Variants in MNS1 observed in about 807,000 individuals in gnomAD.
MNS1 encodes meiosis-specific nuclear structural protein 1.
A neutral mutation model predicts 72.0 loss-of-function variants in MNS1; 63 were observed. The observed-to-expected ratio is 0.87, with a 90% CI of 0.71 to 1.08. The LOEUF (loss-of-function observed/expected upper bound fraction) is 1.08, where lower values mean the gene tolerates loss of function less well. Among genes scored for constraint, MNS1 ranks in the 50% least tolerant of loss-of-function variants. The pLI, the probability that MNS1 is intolerant of heterozygous loss-of-function variation, is 0.00. For synonymous variants in MNS1, 188 were observed against 172.1 expected, an observed-to-expected ratio of 1.09 and a Z score of -0.72; for missense variants, 604 against 562.4, an observed-to-expected ratio of 1.07 and a Z score of -0.75.
chr15:56,434,941 T>C (rs1008385748), intron 7 of MNS1, among the ~76,000 whole-genome samples: 1 of 152,124 alleles, frequency 6.6e-6, no homozygotes, highest in South Asian at 2.1e-4. Flanking sequence ...TCAAATATAG[T>C]TGGAACAGTT....
Position 56,444,529 on chromosome 15 carries a change from T to C in MNS1, c.601A>G (p.Lys201Glu), listed in dbSNP as rs1190986551. The change falls in exon 5 of 10, where the codon AAA (lysine) becomes GAA (glutamate). Residue 201 changes from lysine (K) to glutamate (E), a missense_variant. Coordinates refer to ENST00000260453, the MANE Select transcript of MNS1 (RefSeq NM_018365.4). ...LEKQLEEQEK[K>E]KQEAYEQLLK... ...AGCTGCTCATAAGCTTCCTGCTTTT[T>C]TTTTTCTTGTTCTTCAAGTTGTTTC... The C allele has an allele frequency of 6.2e-7, 1 of 1,612,638 alleles. No individual in the cohort carries two copies. Among genetic ancestry groups the C allele is most frequent in the Non-Finnish European group, 8.5e-7 (1 of 1,179,506 alleles).
At chr15:56,460,059 A>G (rs1468354520) in intron 2 of MNS1, among the ~76,000 whole-genome samples, 1 of 132,668 alleles carries the variant, frequency 7.5e-6, no homozygotes, top group African/African-American at 2.9e-5. Context: ...ATTCAAATGC[A>G]AAGCTTGAGG....
rs769002984 is a variant in MNS1 at position 56,464,211 on chromosome 15, G to T, written c.40C>A (p.His14Asn). 1.9e-6 allele frequency: 3 copies of T among 1,613,472 alleles called. No individual in the cohort carries two copies. The highest frequency in any genetic ancestry group is 1.7e-4 in the Middle Eastern group (1 of 6,052). Residue 14 changes from histidine to asparagine, a missense_variant, in exon 2 of 10, where the codon CAT (histidine) becomes AAT (asparagine). Transcript: ENST00000260453. Reference sequence around the variant, plus strand: ...TAGTTTTCATCTACTAATTTCTGATGCCTTTCACTACAGCTCAAATTTCTC... The same window carrying T: ...TAGTTTTCATCTACTAATTTCTGATTCCTTTCACTACAGCTCAAATTTCTC... ...KRRNLSCSER[H>N]QKLVDENYCK...
intron 9 of MNS1, chr15:56,429,899 T>C (rs1346504163): frequency 6.6e-6 from 1 of 152,172 alleles, no homozygotes; most frequent in East Asian, 1.9e-4. Context: ...TACAAAAATA[T>C]CAAATCCCAA....
chr15:56,464,966 T>C lies in MNS1; in HGVS notation c.3+4A>G. 6.2e-7 allele frequency: 1 copy of C among 1,611,300 alleles called. No individual in the cohort carries two copies. The highest frequency in any genetic ancestry group is 8.5e-7 in the Non-Finnish European group (1 of 1,179,012). On this transcript the variant is annotated splice_donor_region_variant and intron_variant, in intron 1 of 9. Coordinates refer to ENST00000260453, the MANE Select transcript of MNS1 (RefSeq NM_018365.4). ...AGTAGTTTCAAGTCCCCCAACTGGC[T>C]CACCATCTTGGCTGACGAAAAATAC...
intron 7 of MNS1, among the ~76,000 whole-genome samples, chr15:56,439,522 T>C (rs556728728): frequency 3.9e-5 from 6 of 152,132 alleles, no homozygotes; most frequent in African/African-American, 1.2e-4. Flanking sequence ...GATGGATACA[T>C]AGACCAACAG....
At chr15:56,463,949 C>A in intron 2 of MNS1, 77 bp downstream of exon 2, 3 of 1,170,584 alleles carry the variant, frequency 2.6e-6, no homozygotes, top group Non-Finnish European at 3.7e-6. Context: ...CTACTCATTT[C>A]CAGCATTAAC....
In MNS1 at chr15:56,429,178, C is replaced by T; in HGVS notation, c.1411G>A (p.Glu471Lys). The T allele has an allele frequency of 6.3e-7, 1 of 1,592,686 alleles. No individual in the cohort carries two copies. The highest frequency in any genetic ancestry group is 8.5e-7 in the Non-Finnish European group (1 of 1,170,972). The change falls in exon 10 of 10, where the codon GAG becomes AAG. Residue 471 changes from glutamate to lysine, a missense_variant. Coordinates refer to ENST00000260453, the MANE Select transcript of MNS1 (RefSeq NM_018365.4). Reference protein sequence around the residue: ...GYLPKGVFKKEDDIDLLGEEF... With the variant: ...GYLPKGVFKKKDDIDLLGEEF... ...TCACCAAGCAGATCAATATCATCCT[C>T]TTTTTTAAATACTCCCTACGAGAAA...
intron 7 of MNS1, among the ~76,000 whole-genome samples, chr15:56,437,038 G>C (rs28831190): frequency 1.6e-3 from 236 of 152,218 alleles, no homozygotes; most frequent in African/African-American, 5.6e-3. Flanking sequence ...GGAGGAGCTG[G>C]TATCATTCCT....
chr15:56,434,007 TTATATA>T, intron 8 of MNS1, 125 bp downstream of exon 8: 2 of 985,386 alleles, frequency 2.0e-6, no homozygotes, highest in Non-Finnish European at 2.8e-6. Flanking sequence ...GTCAGAAAAT[TTATATA>T]TATATTAGTA....
chr15:56,437,953 A>C (rs1167758241), intron 7 of MNS1, among the ~76,000 whole-genome samples: 7 of 152,220 alleles, frequency 4.6e-5, no homozygotes, highest in Non-Finnish European at 1.0e-4. Context: ...CCACTGCTCA[A>C]CGAAATAAAA....
At chr15:56,462,535 A>AT (rs1180430385) in intron 2 of MNS1, among the ~76,000 whole-genome samples, 4 of 152,242 alleles carry the variant, frequency 2.6e-5, no homozygotes, top group Admixed American at 2.6e-4. Context: ...TTAAAGGAAC[A>AT]TGAGGAAGCA....
intron 2 of MNS1, among the ~76,000 whole-genome samples, chr15:56,462,557 T>G (rs145400573): frequency 2.3e-4 from 35 of 152,322 alleles, no homozygotes; most frequent in African/African-American, 7.9e-4. Context: ...ACACGTATAT[T>G]CAGAATGTGG....
intron 7 of MNS1, among the ~76,000 whole-genome samples, chr15:56,440,145 G>A (rs2050794791): frequency 6.6e-6 from 1 of 151,974 alleles, no homozygotes; most frequent in Non-Finnish European, 1.5e-5. Flanking sequence ...ACACCAAAGA[G>A]GACAGCAAAT....
intron 7 of MNS1, among the ~76,000 whole-genome samples, chr15:56,442,024 AAAT>A (rs1247222231): frequency 3.9e-5 from 6 of 151,992 alleles, no homozygotes; most frequent in South Asian, 4.1e-4. Context: ...CCATCTCAAA[AAAT>A]AATAATAAAA....
In MNS1 at chr15:56,443,634, A is replaced by G; in HGVS notation, c.903+4T>C. 3 of 1,610,108 alleles carry G rather than the reference A, an allele frequency of 1.9e-6. No individual in the cohort carries two copies. Among genetic ancestry groups the G allele is most frequent in the Non-Finnish European group, 1.7e-6 (2 of 1,178,444 alleles). On this transcript the variant is annotated splice_donor_region_variant and intron_variant, in intron 6 of 9. Coordinates refer to ENST00000260453, the MANE Select transcript of MNS1 (RefSeq NM_018365.4). ...TAGTGTTAAAGAAGTGGTTATTTTA[A>G]TACCGCATTCTGAAGCTGTAGCCTT...
In MNS1 at chr15:56,460,010, ATAC is replaced by A. The variant is rs1432796537; in HGVS notation, c.226-3492_226-3490del. Among the ~76,000 whole-genome samples, 28 of 27,426 alleles carry A rather than the reference ATAC, an allele frequency of 1.0e-3. 1 individual carries two copies. Among genetic ancestry groups the A allele is most frequent in the East Asian group, 2.8e-3 (2 of 706 alleles). The allele number at this position is 27,426 out of a possible 152,430, so 18.0% of individuals were successfully genotyped here. ...TGTCTCAAAAAAAAAAAAAAAAAAAATACATATATATATATATATATATATGTG... is the reference window on the plus strand; with the variant it reads ...TGTCTCAAAAAAAAAAAAAAAAAAAAATATATATATATATATATATATGTG... On this transcript the variant is annotated intron_variant, in intron 2 of 9. Transcript: ENST00000260453.
rs765431601 is a variant in MNS1 at position 56,464,033 on chromosome 15, A to G, written c.218T>C (p.Ile73Thr). ...ATGAATAGTAAAACTTACCTTTTGA[A>G]TGGCCTCTTCCATATCCAACTCAAA... ...EQFELDMEEA[I>T]QKAEENKRLK... Residue 73 changes from isoleucine (I) to threonine (T), a missense_variant, in exon 2 of 10, where the codon ATT (isoleucine) becomes ACT (threonine). Coordinates refer to ENST00000260453, the MANE Select transcript of MNS1 (RefSeq NM_018365.4). The G allele has an allele frequency of 5.0e-6, 8 of 1,604,834 alleles. No individual in the cohort carries two copies. The highest frequency in any genetic ancestry group is 5.9e-6 in the Non-Finnish European group (7 of 1,176,826).
intron 3 of MNS1, among the ~76,000 whole-genome samples, chr15:56,450,079 C>T (rs1160907399): frequency 1.3e-5 from 2 of 152,150 alleles, no homozygotes; most frequent in South Asian, 2.1e-4. Context: ...CTTCCTCCTA[C>T]CTTCTTTTTG....
Sources: allele counts gnomAD v4.1 joint callset (sites outside exome capture counted in the v4.1 genomes callset), GRCh38; gene constraint gnomAD v4.1.1; transcripts MANE v1.5; gene names NCBI Gene and HGNC (gene_info 2026-07-23, HGNC 2026-07-21).